AGAP1: variants seen among roughly 807,000 people sequenced by gnomAD.
The protein encoded by AGAP1 is arf-GAP with GTPase, ANK repeat and PH domain-containing protein 1.
In AGAP1, 29 loss-of-function variants were observed where a neutral mutation model predicts 105.3. The ratio of observed to expected loss-of-function variants is 0.28; its 90% CI spans 0.21 to 0.38. AGAP1 has a LOEUF of 0.38. Ranked by LOEUF, AGAP1 falls within the 10% of genes least tolerant of loss-of-function variation. The pLI is 1.00. For missense variants in AGAP1, 998 were observed against 1,165.1 expected (o/e 0.86, Z 2.09); for synonymous variants, 509 against 485.9 (o/e 1.05, Z -0.63).
rs892202001 is a variant in AGAP1, at chr2:235,692,918, G to A, written c.164-16261G>A. Among the ~76,000 whole-genome samples, 3 of 152,162 alleles carry A rather than the reference G, an allele frequency of 2.0e-5. No homozygotes were observed. Among genetic ancestry groups the A allele is most frequent in the Admixed American group, 6.5e-5 (1 of 15,280 alleles). On this transcript the variant is annotated intron_variant, in intron 1 of 17. Transcript: ENST00000304032. This position sits in a 1 kb window ranked among gnomAD's most constrained non-coding sequence, Gnocchi z 5.8. Reference sequence around the variant, plus strand: ...GGGAGGGAGGCAGTGAGCAGGACCTGTTGCTGTCGGTGGTGGCATCAGTGG... The same window carrying A: ...GGGAGGGAGGCAGTGAGCAGGACCTATTGCTGTCGGTGGTGGCATCAGTGG...
chr2:235,706,385 C>T (rs377349639), intron 1 of AGAP1, among the ~76,000 whole-genome samples: 8 of 148,868 alleles, frequency 5.4e-5, no homozygotes, highest in South Asian at 2.1e-4. Context: ...CCACCACGCC[C>T]GGCTAATTTT....
chr2:235,756,981 T>G (rs1417336058), intron 6 of AGAP1, among the ~76,000 whole-genome samples: 3 of 152,156 alleles, frequency 2.0e-5, no homozygotes, highest in Admixed American at 1.3e-4. Context: ...TGCATGCATT[T>G]TCTGAACCTT....
rs3835794 is a variant in AGAP1 at position 235,748,221 on chromosome 2, AC to A, written c.539-2131del. 8.3e-4 allele frequency among the ~76,000 whole-genome samples: 126 copies of A among 152,310 alleles called. 3 individuals are homozygous for A. In the East Asian group the frequency reaches 0.02, roughly 24 times the overall value. On this transcript the variant is annotated intron_variant, in intron 5 of 17. Coordinates refer to ENST00000304032, the MANE Select transcript of AGAP1 (RefSeq NM_001037131.3). ...GCAGTGGCAGAGATTCCCGTGGTGCACCTTTGAAGCCGAAATTTGACAGAAA... is the reference window on the plus strand; with the variant it reads ...GCAGTGGCAGAGATTCCCGTGGTGCACTTTGAAGCCGAAATTTGACAGAAA...
intron 1 of AGAP1, among the ~76,000 whole-genome samples, chr2:235,496,604 C>T (rs563141292): frequency 6.6e-6 from 1 of 152,318 alleles, no homozygotes; most frequent in East Asian, 1.9e-4. Flanking sequence ...GGCTGAGAGC[C>T]TCTTTTGCTG....
intron 12 of AGAP1, among the ~76,000 whole-genome samples, chr2:235,941,467 C>T (rs2053254781): frequency 1.3e-5 from 2 of 152,132 alleles, no homozygotes; most frequent in South Asian, 2.1e-4. Flanking sequence ...GAAGAATCGA[C>T]GGATAATCAC....
At position 236,090,998 on chromosome 2, in the gene AGAP1, C is replaced by T. The variant is rs112574076; in HGVS notation, c.2115-29194C>T. On this transcript the variant is annotated intron_variant, in intron 16 of 17. Transcript: ENST00000304032. The surrounding 1 kb of genome is among the most constrained non-coding windows in gnomAD (Gnocchi z 4.3). Reference sequence around the variant, plus strand: ...AGGTGATCTGCCCACCTCGGCCTCCCGAAGTGCTGGGTTGACAGGCGTGTG... The same window carrying T: ...AGGTGATCTGCCCACCTCGGCCTCCTGAAGTGCTGGGTTGACAGGCGTGTG... 0.11 allele frequency among the ~76,000 whole-genome samples: 17,324 copies of T among 152,238 alleles called. 1,701 individuals carry two copies. Among genetic ancestry groups the T allele is most frequent in the African/African-American group, 0.26 (10,603 of 41,524 alleles).
At chr2:235,910,975 C>T (rs13012996) in intron 11 of AGAP1, among the ~76,000 whole-genome samples, 118,337 of 151,966 alleles carry the variant, frequency 0.78, 46,180 homozygotes, top group East Asian at 0.98. Flanking sequence ...ACTGCAGATA[C>T]GGAGTCCCTA....
At chr2:235,497,306 G>C (rs1010611242) in intron 1 of AGAP1, among the ~76,000 whole-genome samples, 3 of 152,182 alleles carry the variant, frequency 2.0e-5, no homozygotes, top group African/African-American at 7.2e-5. Context: ...CCCAGTGCTG[G>C]CAACTAAGCC....
At chr2:235,968,256 G>A (rs974006236) in intron 12 of AGAP1, among the ~76,000 whole-genome samples, 6 of 152,138 alleles carry the variant, frequency 3.9e-5, no homozygotes, top group South Asian at 2.1e-4. Flanking sequence ...TTTTAATAGC[G>A]GGAGGCACAG....
intron 13 of AGAP1, among the ~76,000 whole-genome samples, chr2:235,997,511 A>T (rs377335568): frequency 6.6e-6 from 1 of 152,166 alleles, no homozygotes; most frequent in African/African-American, 2.4e-5. Flanking sequence ...TAGCGCGGCC[A>T]TACATTTTTG....
intron 12 of AGAP1, among the ~76,000 whole-genome samples, chr2:235,950,887 C>CTTTTTTTTTTTT (rs200110792): frequency 1.7e-5 from 2 of 118,258 alleles, no homozygotes; most frequent in Non-Finnish European, 3.6e-5. Context: ...TCTCCAAGCA[C>CTTTTTTTTTTTT]TTTTTTTTTT....
At chr2:235,676,037 C>G (rs762713049) in intron 1 of AGAP1, among the ~76,000 whole-genome samples, 2 of 152,118 alleles carry the variant, frequency 1.3e-5, no homozygotes, top group Non-Finnish European at 2.9e-5. Flanking sequence ...TAGTTTTTGT[C>G]TTTTTAATGC....
rs1179921649 is a variant in AGAP1, at chr2:235,712,791, G to A, written c.222+3554G>A. 6.6e-6 allele frequency among the ~76,000 whole-genome samples: 1 copy of A among 152,184 alleles called. No individual in the cohort carries two copies. Among genetic ancestry groups the A allele is most frequent in the African/African-American group, 2.4e-5 (1 of 41,448 alleles). On this transcript the variant is annotated intron_variant, in intron 2 of 17. Coordinates refer to ENST00000304032, the MANE Select transcript of AGAP1 (RefSeq NM_001037131.3). The surrounding 1 kb of genome is among the most constrained non-coding windows in gnomAD (Gnocchi z 6.0). ...TTCAAGACACCTCATTCCTCCTCATGTAGCTCTTTGGCTCGCTCTGGATTG... is the reference window on the plus strand; with the variant it reads ...TTCAAGACACCTCATTCCTCCTCATATAGCTCTTTGGCTCGCTCTGGATTG...
chr2:235,618,766 T>C (rs1259613328), intron 1 of AGAP1, among the ~76,000 whole-genome samples: 6 of 152,010 alleles, frequency 3.9e-5, no homozygotes, highest in Non-Finnish European at 8.8e-5. Flanking sequence ...AAAACCTGGG[T>C]GGGTAGATGT....
chr2:235,533,334 C>T (rs558123847), intron 1 of AGAP1, among the ~76,000 whole-genome samples: 7 of 152,108 alleles, frequency 4.6e-5, no homozygotes, highest in South Asian at 4.2e-4. Context: ...GGAAATCAAG[C>T]GGATTTTAAT....
chr2:235,529,376 C>T (rs1942966808), intron 1 of AGAP1, among the ~76,000 whole-genome samples: 1 of 152,232 alleles, frequency 6.6e-6, no homozygotes, highest in Non-Finnish European at 1.5e-5. Flanking sequence ...AAAATCCATG[C>T]TGTCATTGCC....
intron 9 of AGAP1, among the ~76,000 whole-genome samples, chr2:235,814,301 G>A (rs944586141): frequency 2.6e-5 from 4 of 152,166 alleles, no homozygotes; most frequent in Non-Finnish European, 4.4e-5. Context: ...ATTTGTTTCA[G>A]CAAAATAGTG....
chr2:235,971,749 A>G lies in AGAP1; in HGVS notation c.1645+3126A>G, dbSNP rs1157754169. ...TAGTTATATATGTTTTATTTTATTT[A>G]TTTATTTATTTATTTATTTATTTAT... is the stretch of plus-strand genomic sequence containing the variant. On this transcript the variant is annotated intron_variant, in intron 13 of 17. Transcript: ENST00000304032. This position sits in a 1 kb window ranked among gnomAD's most constrained non-coding sequence, Gnocchi z 4.8. 1.8e-5 allele frequency among the ~76,000 whole-genome samples: 2 copies of G among 108,336 alleles called. No homozygotes were observed. The highest frequency in any genetic ancestry group is 4.3e-5 in the Non-Finnish European group (2 of 46,534). 71.1% of individuals were successfully genotyped at this position (108,336 alleles called of 152,430 possible). A position where few individuals can be genotyped will look rare whatever the true frequency, so the allele number is the denominator to read the frequency against.
chr2:235,688,846 G>C (rs546178452), intron 1 of AGAP1, among the ~76,000 whole-genome samples: 1 of 152,258 alleles, frequency 6.6e-6, no homozygotes, highest in South Asian at 2.1e-4. Flanking sequence ...TCATTCACCC[G>C]CTAGTGCTGT....
Sources: gnomAD v4.1 joint callset for allele counts (sites outside exome capture counted in the v4.1 genomes callset) on GRCh38, gnomAD v4.1.1 for gene constraint, Gnocchi (gnomAD v3.1) non-coding constraint, MANE v1.5 for transcripts, NCBI Gene and HGNC (gene_info 2026-07-23, HGNC 2026-07-21) for gene names.